The following SLC4A10 variants were observed in gnomAD, a reference collection of about 807,000 sequenced individuals.
SLC4A10 encodes solute carrier family 4 member 10, also known as sodium-driven chloride bicarbonate exchanger.
In SLC4A10, 42 loss-of-function variants were observed where a neutral mutation model predicts 137.7. The ratio of observed to expected loss-of-function variants is 0.30; its 90% CI spans 0.24 to 0.39. The LOEUF (loss-of-function observed/expected upper bound fraction) is 0.39. Ranked by LOEUF, SLC4A10 falls within the 10% of genes least tolerant of loss-of-function variation. The pLI is 1.00. For synonymous variants in SLC4A10, 474 were observed against 464.1 expected (o/e 1.02, Z -0.27); for missense variants, 925 against 1,355.0 (o/e 0.68, Z 4.98).
rs533512146 is a variant in SLC4A10, at chr2:161,807,432, C to T, written c.277+2837C>T. Among the ~76,000 whole-genome samples the T allele has an allele frequency of 3.9e-4, 59 of 152,112 alleles. 1 individual carries two copies. The highest frequency in any genetic ancestry group is 1.5e-3 in the Admixed American group (23 of 15,258). The stretch of plus-strand genomic sequence containing the variant: ...TCCCATCTCTTATGACCTTCTCTGT[C>T]ATTGCACTTTGTTCACCTTCTCAAC... On this transcript the variant is annotated intron_variant, in intron 3 of 26. Transcript: ENST00000446997.
intron 3 of SLC4A10, among the ~76,000 whole-genome samples, chr2:161,839,019 T>C (rs2058999501): frequency 1.3e-5 from 2 of 152,224 alleles, no homozygotes; most frequent in East Asian, 1.9e-4. Flanking sequence ...AGAATACTTA[T>C]AGCAGTTGTA....
chr2:161,940,496 C>G (rs2105741973), intron 15 of SLC4A10, among the ~76,000 whole-genome samples: 1 of 152,294 alleles, frequency 6.6e-6, no homozygotes, highest in East Asian at 1.9e-4. Context: ...CCTGCTCCTA[C>G]AGCAGAGGAG....
intron 11 of SLC4A10, among the ~76,000 whole-genome samples, chr2:161,900,015 C>G (rs566276981): frequency 1.3e-5 from 2 of 152,026 alleles, no homozygotes; most frequent in Non-Finnish European, 2.9e-5. Context: ...CATGTTTACA[C>G]TAATTCTATT....
intron 21 of SLC4A10, among the ~76,000 whole-genome samples, chr2:161,963,615 T>C (rs1218825180): frequency 6.6e-6 from 1 of 152,048 alleles, no homozygotes; most frequent in Non-Finnish European, 1.5e-5. Flanking sequence ...ATACCGTACT[T>C]AGCAGCTGGA....
At chr2:161,934,419 G>A (rs962064769) in intron 15 of SLC4A10, among the ~76,000 whole-genome samples, 7 of 151,948 alleles carry the variant, frequency 4.6e-5, no homozygotes, top group Non-Finnish European at 1.0e-4. Context: ...AACATGCAAA[G>A]TCTGTCTTTC....
chr2:161,655,001 CA>C (rs1205074564), intron 1 of SLC4A10, among the ~76,000 whole-genome samples: 2 of 152,124 alleles, frequency 1.3e-5, no homozygotes. Flanking sequence ...TCTTCGAATT[CA>C]TGAACACAGG....
At chr2:161,853,913 T>C (rs2059963757) in intron 4 of SLC4A10, among the ~76,000 whole-genome samples, 1 of 152,204 alleles carries the variant, frequency 6.6e-6, no homozygotes, top group Non-Finnish European at 1.5e-5. Flanking sequence ...TCTGACTGTC[T>C]CTTTTGGTTA....
intron 19 of SLC4A10, among the ~76,000 whole-genome samples, chr2:161,954,706 G>A (rs1695352988): frequency 6.6e-6 from 1 of 152,112 alleles, no homozygotes; most frequent in Non-Finnish European, 1.5e-5. Flanking sequence ...TTGTTGTACA[G>A]CATAATTAGG....
intron 1 of SLC4A10, among the ~76,000 whole-genome samples, chr2:161,738,685 C>A (rs1369264301): frequency 7.9e-5 from 12 of 152,174 alleles, no homozygotes; most frequent in Admixed American, 7.9e-4. Flanking sequence ...TATTGGATTT[C>A]CCTTAATTCC....
chr2:161,885,096 T>C (rs1170224991), intron 10 of SLC4A10, among the ~76,000 whole-genome samples: 1 of 152,092 alleles, frequency 6.6e-6, no homozygotes, highest in African/African-American at 2.4e-5. Context: ...GAGAATCACT[T>C]GAACCTGGGA....
chr2:161,974,172 T>A, intron 23 of SLC4A10, 77 bp from the exon 24 acceptor site: 1 of 1,220,836 alleles, frequency 8.2e-7, no homozygotes, highest in Non-Finnish European at 1.1e-6. Context: ...TAATGAAACA[T>A]TAATCTGTGT....
intron 15 of SLC4A10, among the ~76,000 whole-genome samples, chr2:161,926,395 T>TTTG (rs1689114085): frequency 6.5e-5 from 7 of 107,822 alleles, no homozygotes; most frequent in African/African-American, 2.3e-4. Context: ...GGTTTTTTTT[T>TTTG]TTTTTTTTTT....
intron 1 of SLC4A10, chr2:161,710,622 A>G (rs1276257442): frequency 4.5e-6 from 2 of 446,096 alleles, no homozygotes; most frequent in Admixed American, 2.4e-5. Context: ...TGGCAGGATA[A>G]TCTTGATCTT....
At chr2:161,819,027 G>A (rs186243652) in intron 3 of SLC4A10, among the ~76,000 whole-genome samples, 20 of 152,144 alleles carry the variant, frequency 1.3e-4, no homozygotes, top group African/African-American at 4.1e-4. Context: ...TTTTTCTATC[G>A]ATTGGAATTT....
At chr2:161,762,021 A>G (rs2125364342) in intron 1 of SLC4A10, among the ~76,000 whole-genome samples, 1 of 152,260 alleles carries the variant, frequency 6.6e-6, no homozygotes, top group African/African-American at 2.4e-5. Flanking sequence ...ATGAAACAAC[A>G]CAATTGCTTT....
At chr2:161,721,649 G>A (rs1475554068) in intron 1 of SLC4A10, among the ~76,000 whole-genome samples, 1 of 152,108 alleles carries the variant, frequency 6.6e-6, no homozygotes, top group Non-Finnish European at 1.5e-5. Context: ...TGGAGAATCT[G>A]ATGACTATAT....
At chr2:161,641,577 C>T (rs939145109) in intron 1 of SLC4A10, among the ~76,000 whole-genome samples, 1 of 152,030 alleles carries the variant, frequency 6.6e-6, no homozygotes, top group Non-Finnish European at 1.5e-5. Flanking sequence ...AATTGTTTCA[C>T]ATTCATTATT....
rs147183356 is a variant in SLC4A10, at chr2:161,630,676, C to T, written c.48+6110C>T. ...GTCTCTATTACTAGCATAGCATCAA[C>T]GGCTGAGTTCCAAATTAAAATGGAA... On this transcript the variant is annotated intron_variant, in intron 1 of 26. Transcript: ENST00000446997. Among the ~76,000 whole-genome samples the T allele has an allele frequency of 9.3e-3, 1,417 of 151,780 alleles. 13 individuals carry two copies. The highest frequency in any genetic ancestry group is 0.015 in the Non-Finnish European group (1,005 of 67,716).
intron 4 of SLC4A10, among the ~76,000 whole-genome samples, chr2:161,842,779 T>C (rs539638762): frequency 1.3e-5 from 2 of 152,214 alleles, no homozygotes; most frequent in Non-Finnish European, 2.9e-5. Context: ...TGTGCTCATC[T>C]TCTTTATTTG....
Sources: allele counts gnomAD v4.1 joint callset (sites outside exome capture counted in the v4.1 genomes callset), GRCh38; gene constraint gnomAD v4.1.1; transcripts MANE v1.5; gene names NCBI Gene and HGNC (gene_info 2026-07-23, HGNC 2026-07-21).